The following CFAP61 variants were observed in gnomAD, a reference collection of about 807,000 sequenced individuals.
CFAP61 encodes cilia and flagella associated protein 61.
A neutral mutation model predicts 135.6 loss-of-function variants in CFAP61; 107 were observed. The observed-to-expected ratio is 0.79, with a 90% CI of 0.67 to 0.93. CFAP61 has a LOEUF of 0.93. Ranked by LOEUF, CFAP61 falls within the 40% of genes least tolerant of loss-of-function variation. CFAP61 has a pLI of 0.00. For missense variants in CFAP61, 1,507 were observed against 1,556.2 expected (o/e 0.97, Z 0.53); for synonymous variants, 575 against 578.5 (o/e 0.99, Z 0.09).
chr20:20,058,878 C>G (rs1030965450), intron 2 of CFAP61, among the ~76,000 whole-genome samples: 3 of 151,998 alleles, frequency 2.0e-5, no homozygotes, highest in Non-Finnish European at 2.9e-5. Context: ...AGCTCACAGT[C>G]AAAAATCGTA....
intron 25 of CFAP61, among the ~76,000 whole-genome samples, chr20:20,328,225 A>G (rs2057839576): frequency 6.6e-6 from 1 of 152,208 alleles, no homozygotes; most frequent in Non-Finnish European, 1.5e-5. Context: ...GGGTAGCAAC[A>G]TGCCAATTCA....
chr20:20,241,051 T>C (rs2049986444), intron 18 of CFAP61, among the ~76,000 whole-genome samples: 1 of 152,172 alleles, frequency 6.6e-6, no homozygotes, highest in African/African-American at 2.4e-5. Context: ...TGTCCAGGTG[T>C]CTTAAGTATA....
chr20:20,345,360 A>G (rs2058589865), intron 26 of CFAP61, among the ~76,000 whole-genome samples: 1 of 152,216 alleles, frequency 6.6e-6, no homozygotes, highest in Non-Finnish European at 1.5e-5. Flanking sequence ...TCAAAATATC[A>G]CATGTACTCC....
At chr20:20,355,124 G>GTGTGAGGGGAGGGGGTCACAC (rs2059035104) in intron 26 of CFAP61, among the ~76,000 whole-genome samples, 1 of 145,534 alleles carries the variant, frequency 6.9e-6, no homozygotes. Flanking sequence ...TGGTCACACT[G>GTGTGAGGGGAGGGGGTCACAC]TGAGGGGAGG....
At chr20:20,123,717 C>T (rs918564067) in intron 8 of CFAP61, among the ~76,000 whole-genome samples, 2 of 151,540 alleles carry the variant, frequency 1.3e-5, no homozygotes, top group Non-Finnish European at 1.5e-5. Context: ...TATGCGGGCT[C>T]TTTTTTGGTT....
chr20:20,310,636 C>T lies in CFAP61; in HGVS notation c.3422+12250C>T, dbSNP rs763429664. Among the ~76,000 whole-genome samples the T allele has an allele frequency of 3.9e-5, 6 of 152,270 alleles. No individual in the cohort carries two copies. The South Asian group carries it at 1.0e-3, about 26-fold the overall frequency. ...GGAGCAGGCTTTAGACTGCCTTCCACGAAAAATTCAGAAAATGGCTCCGCA... is the reference window on the plus strand; with the variant it reads ...GGAGCAGGCTTTAGACTGCCTTCCATGAAAAATTCAGAAAATGGCTCCGCA... On this transcript the variant is annotated intron_variant, in intron 25 of 26. Transcript: ENST00000245957.
intron 18 of CFAP61, among the ~76,000 whole-genome samples, chr20:20,245,024 C>G (rs1303872711): frequency 1.3e-5 from 2 of 152,242 alleles, no homozygotes; most frequent in African/African-American, 2.4e-5. Flanking sequence ...CCATCTGAGA[C>G]CACCTCAGCC....
chr20:20,282,251 A>G (rs2147051865), intron 22 of CFAP61, among the ~76,000 whole-genome samples: 1 of 151,922 alleles, frequency 6.6e-6, no homozygotes, highest in South Asian at 2.1e-4. Context: ...ATCTTTTTCA[A>G]TTAACCAGCT....
At chr20:20,337,312 G>A (rs377544632) in intron 25 of CFAP61, among the ~76,000 whole-genome samples, 3,344 of 18,016 alleles carry the variant, frequency 0.19, 1,272 homozygotes, top group Non-Finnish European at 0.5. Context: ...ATGGATGGAT[G>A]GATGGATGGA....
At chr20:20,245,231 A>G (rs2050350688) in intron 18 of CFAP61, among the ~76,000 whole-genome samples, 1 of 152,172 alleles carries the variant, frequency 6.6e-6, no homozygotes, top group African/African-American at 2.4e-5. Flanking sequence ...CTCTACTGGT[A>G]CCAATTTACT....
At chr20:20,152,085 G>T (rs1279246365) in intron 9 of CFAP61, among the ~76,000 whole-genome samples, 1 of 152,006 alleles carries the variant, frequency 6.6e-6, no homozygotes, top group Admixed American at 6.6e-5. Flanking sequence ...CAAAATAATT[G>T]CCAGCCAAGA....
chr20:20,119,211 G>T (rs1414014770), intron 8 of CFAP61, among the ~76,000 whole-genome samples: 1 of 152,068 alleles, frequency 6.6e-6, no homozygotes, highest in Non-Finnish European at 1.5e-5. Flanking sequence ...TTCTTTAAAT[G>T]TTTGGTAGAA....
At chr20:20,262,813 T>A in intron 20 of CFAP61, 143 bp from the exon 21 acceptor site, 1 of 421,592 alleles carries the variant, frequency 2.4e-6, no homozygotes, top group Non-Finnish European at 4.2e-6. Flanking sequence ...TGTTTTTTTT[T>A]TTTTTCAATT....
At chr20:20,085,254 T>C (rs1008793736) in intron 6 of CFAP61, 15 of 985,338 alleles carry the variant, frequency 1.5e-5, no homozygotes, top group African/African-American at 1.0e-4. Context: ...AACAGTCACG[T>C]TGAAACATTT....
At chr20:20,305,676 C>T (rs941555967) in intron 25 of CFAP61, among the ~76,000 whole-genome samples, 74 of 152,220 alleles carry the variant, frequency 4.9e-4, no homozygotes, top group African/African-American at 1.8e-3. Flanking sequence ...CAGATCGTGC[C>T]AGTCCTGTGC....
intron 3 of CFAP61, among the ~76,000 whole-genome samples, chr20:20,073,161 G>A (rs1478213718): frequency 6.6e-6 from 1 of 152,232 alleles, no homozygotes. Context: ...TAAGCCATAT[G>A]CTCCTGAGGC....
At chr20:20,131,372 T>C (rs1694952458) in intron 8 of CFAP61, among the ~76,000 whole-genome samples, 1 of 152,140 alleles carries the variant, frequency 6.6e-6, no homozygotes, top group Admixed American at 6.5e-5. Flanking sequence ...TTCATAATTT[T>C]TATATGAATA....
intron 8 of CFAP61, among the ~76,000 whole-genome samples, chr20:20,102,170 T>C (rs957608223): frequency 2.6e-5 from 4 of 152,228 alleles, no homozygotes; most frequent in African/African-American, 9.6e-5. Context: ...TGTTTCCCTA[T>C]GTCACATCCC....
chr20:20,339,913 A>G (rs1292834286), intron 25 of CFAP61, among the ~76,000 whole-genome samples: 1 of 152,264 alleles, frequency 6.6e-6, no homozygotes, highest in African/African-American at 2.4e-5. Flanking sequence ...TCCAGTTTGA[A>G]TGACGAAAGC....
Sources: gnomAD v4.1 joint callset for allele counts (sites outside exome capture counted in the v4.1 genomes callset) on GRCh38, gnomAD v4.1.1 for gene constraint, MANE v1.5 for transcripts, NCBI Gene and HGNC (gene_info 2026-07-23, HGNC 2026-07-21) for gene names.